Variants in CHL1 observed in about 807,000 individuals in gnomAD.
CHL1 encodes the protein cell adhesion molecule L1 like, also known as neural cell adhesion molecule L1-like protein.
A neutral mutation model predicts 141.9 loss-of-function variants in CHL1; 96 were observed. The ratio of observed to expected loss-of-function variants is 0.68; its 90% confidence interval spans 0.57 to 0.80. The LOEUF is 0.80. Ranked by LOEUF, CHL1 falls within the 30% of genes least tolerant of loss-of-function variation. The pLI, the probability that CHL1 is intolerant of heterozygous loss-of-function variation, is 0.00. For synonymous variants in CHL1, 613 were observed against 502.2 expected, an observed-to-expected ratio of 1.22 and a Z score of -2.95; for missense variants, 1,820 against 1,457.2, an observed-to-expected ratio of 1.25 and a Z score of -4.05.
intron 16 of CHL1, 103 bp from the exon 17 acceptor site, chr3:382,075 AG>A: frequency 3.4e-6 from 3 of 871,558 alleles, no homozygotes; most frequent in Non-Finnish European, 1.8e-6. Flanking sequence ...GGTCCCTAAG[AG>A]GGTGGTACCT....
At chr3:293,805 ATT>A (rs35981953) in intron 2 of CHL1, among the ~76,000 whole-genome samples, 4 of 141,874 alleles carry the variant, frequency 2.8e-5, no homozygotes, top group Non-Finnish European at 1.5e-5. Flanking sequence ...GCTGGAGAAG[ATT>A]TTTTTTTTTT....
intron 1 of CHL1, among the ~76,000 whole-genome samples, chr3:203,531 G>T (rs1339598942): frequency 1.3e-5 from 2 of 152,160 alleles, no homozygotes; most frequent in Non-Finnish European, 2.9e-5. Flanking sequence ...CTTAAAGACG[G>T]GCCCACATCT....
intron 10 of CHL1, among the ~76,000 whole-genome samples, chr3:350,727 T>C (rs943451247): frequency 8.5e-5 from 13 of 152,194 alleles, no homozygotes; most frequent in African/African-American, 2.4e-4. Context: ...TAATGCATAT[T>C]ATTATTTAAG....
At position 363,201 on chromosome 3, in the gene CHL1, C is replaced by T; in HGVS notation, c.1419-16C>T. On this transcript the variant is annotated splice_polypyrimidine_tract_variant and intron_variant, in intron 13 of 27. Coordinates refer to ENST00000256509, the MANE Select transcript of CHL1 (RefSeq NM_006614.4). Reference sequence around the variant, plus strand: ...TTGCCCTACCTCAGATGGATGTACGCTTTCTTTGTCCATAGGCAGAAGGTG... The same window carrying T: ...TTGCCCTACCTCAGATGGATGTACGTTTTCTTTGTCCATAGGCAGAAGGTG... 1 of 1,600,614 alleles carries T rather than the reference C, an allele frequency of 6.2e-7. No individual in the cohort carries two copies. The highest frequency in any genetic ancestry group is 1.1e-5 in the South Asian group (1 of 89,232).
chr3:232,616 C>T (rs1043793222), intron 1 of CHL1, among the ~76,000 whole-genome samples: 1 of 151,934 alleles, frequency 6.6e-6, no homozygotes, highest in African/African-American at 2.4e-5. Context: ...TTTTACAGAT[C>T]GAAGTTTCTA....
At chr3:320,045 C>A (rs1472435691) in intron 3 of CHL1, among the ~76,000 whole-genome samples, 178 bp downstream of exon 3, 3 of 152,004 alleles carry the variant, frequency 2.0e-5, no homozygotes, top group Non-Finnish European at 4.4e-5. Flanking sequence ...TGATACATGA[C>A]TGCTGTAATT....
At chr3:227,526 G>C (rs1324614007) in intron 1 of CHL1, among the ~76,000 whole-genome samples, 3 of 152,138 alleles carry the variant, frequency 2.0e-5, no homozygotes, top group Non-Finnish European at 4.4e-5. Context: ...TATGCATGTG[G>C]AGAACAAATA....
chr3:217,497 G>T (rs1237674279), intron 1 of CHL1: 3 of 152,180 alleles, frequency 2.0e-5, no homozygotes, highest in Non-Finnish European at 4.4e-5. Flanking sequence ...ACTTACTTTA[G>T]AAAGGATTAT....
intron 1 of CHL1, among the ~76,000 whole-genome samples, chr3:211,663 C>A (rs117945818): frequency 7.9e-5 from 12 of 152,112 alleles, no homozygotes; most frequent in African/African-American, 2.9e-4. Flanking sequence ...GATGTTTTCC[C>A]CTCACAGTCT....
intron 2 of CHL1, among the ~76,000 whole-genome samples, chr3:286,771 C>T (rs1278416529): frequency 2.0e-5 from 3 of 152,072 alleles, no homozygotes; most frequent in Non-Finnish European, 2.9e-5. Flanking sequence ...TCCAGGAAAG[C>T]GGTAGGCAAT....
intron 2 of CHL1, among the ~76,000 whole-genome samples, chr3:295,954 GC>G: frequency 6.6e-6 from 1 of 152,248 alleles, no homozygotes; most frequent in Non-Finnish European, 1.5e-5. Context: ...GAACCTTGGT[GC>G]CCCTTCTTCC....
intron 2 of CHL1, among the ~76,000 whole-genome samples, chr3:246,324 G>T (rs1248794272): frequency 6.6e-6 from 1 of 151,982 alleles, no homozygotes. Context: ...CACCCTTCTT[G>T]CTCGTAGCCC....
intron 9 of CHL1, among the ~76,000 whole-genome samples, chr3:348,539 A>G (rs1702958413): frequency 6.6e-6 from 1 of 152,096 alleles, no homozygotes; most frequent in South Asian, 2.1e-4. Flanking sequence ...GCTTTTCATG[A>G]GGAGGGGTTT....
chr3:242,413 G>T (rs192105112), intron 1 of CHL1, among the ~76,000 whole-genome samples: 2 of 137,550 alleles, frequency 1.5e-5, no homozygotes, highest in Non-Finnish European at 3.1e-5. Context: ...TGGCTAACAC[G>T]GTGAAACCCC....
chr3:303,588 C>G (rs775788349), intron 2 of CHL1, among the ~76,000 whole-genome samples: 1 of 152,108 alleles, frequency 6.6e-6, no homozygotes, highest in Non-Finnish European at 1.5e-5. Context: ...ATTTTGTATC[C>G]TGAGGCTTTG....
intron 2 of CHL1, among the ~76,000 whole-genome samples, chr3:255,253 T>C (rs574337763): frequency 2.3e-4 from 35 of 152,346 alleles, no homozygotes; most frequent in African/African-American, 8.4e-4. Flanking sequence ...TTGTTTGTAG[T>C]TAAAAAGTCT....
At chr3:277,235 G>A (rs182258375) in intron 2 of CHL1, among the ~76,000 whole-genome samples, 1 of 152,024 alleles carries the variant, frequency 6.6e-6, no homozygotes, top group Non-Finnish European at 1.5e-5. Flanking sequence ...AAAACTAAAG[G>A]ATATTATTTG....
At chr3:226,366 AGAATATTT>A (rs1701345528) in intron 1 of CHL1, among the ~76,000 whole-genome samples, 2 of 71,378 alleles carry the variant, frequency 2.8e-5, no homozygotes, top group Non-Finnish European at 6.4e-5. Context: ...ATTATATAAT[AGAATATTT>A]TATATATATA....
intron 2 of CHL1, among the ~76,000 whole-genome samples, chr3:258,934 CTTTT>C (rs538887029): frequency 7.7e-6 from 1 of 130,556 alleles, no homozygotes; most frequent in Non-Finnish European, 1.6e-5. Context: ...ATGGCAACAT[CTTTT>C]TTTTTTTTTT....
Sources: allele counts gnomAD v4.1 joint callset (sites outside exome capture counted in the v4.1 genomes callset), GRCh38; gene constraint gnomAD v4.1.1; transcripts MANE v1.5; gene names NCBI Gene and HGNC (gene_info 2026-07-23, HGNC 2026-07-21).